Variants in LCMT2 observed in about 807,000 individuals in gnomAD.
The protein encoded by LCMT2 is leucine carboxyl methyltransferase 2.
In LCMT2, 34 loss-of-function variants were observed where a neutral mutation model predicts 42.0. The observed-to-expected ratio is 0.81, with a 90% CI of 0.62 to 1.08. LCMT2 has a LOEUF of 1.08. Among genes scored for constraint, LCMT2 ranks in the 50% least tolerant of loss-of-function variants. The pLI is 0.00. For synonymous variants in LCMT2, 445 were observed against 369.5 expected, an observed-to-expected ratio of 1.20 and a Z score of -2.34; for missense variants, 1,091 against 889.4, an observed-to-expected ratio of 1.23 and a Z score of -2.88.
Position 43,330,120 on chromosome 15 carries a change from C to G in LCMT2, c.370G>C (p.Glu124Gln). The G allele has an allele frequency of 6.2e-7, 1 of 1,612,088 alleles. No individual in the cohort carries two copies. The highest frequency in any genetic ancestry group is 8.5e-7 in the Non-Finnish European group (1 of 1,179,940). ...DFPDVARRKA[E>Q]RIGETPELCA... ...AGCTCTGGCGTCTCTCCAATCCTTT[C>G]TGCTTTGCGCCGCGCCACGTCCGGA... is the stretch of plus-strand genomic sequence containing the variant. Residue 124 changes from glutamate to glutamine, a missense_variant, in exon 1 of 1, where the codon GAA becomes CAA. Coordinates refer to ENST00000305641, the MANE Select transcript of LCMT2 (RefSeq NM_014793.5).
Position 43,330,423 on chromosome 15 carries a change from T to C in LCMT2, c.67A>G (p.Ser23Gly), listed in dbSNP as rs2043176003. ...VQNTNDSSAL[S>G]KRSLAARGYV... ...CCGCGCGCGGCCAGGGAACGCTTGC[T>C]GAGGGCGCTGCTGTCGTTGGTGTTC... is the stretch of plus-strand genomic sequence containing the variant. Residue 23 changes from serine to glycine, a missense_variant, in exon 1 of 1, where the codon AGC becomes GGC. Coordinates refer to ENST00000305641, the MANE Select transcript of LCMT2 (RefSeq NM_014793.5). 3.8e-6 allele frequency: 6 copies of C among 1,563,518 alleles called. No homozygotes were observed. Among genetic ancestry groups the C allele is most frequent in the Middle Eastern group, 1.7e-4 (1 of 5,802 alleles).
Position 43,328,518 on chromosome 15 carries a change from C to G in LCMT2, c.1972G>C (p.Gly658Arg), listed in dbSNP as rs769700565. ...LPEEQQLLLLGGGGNCFSFGT... is the reference protein window; with the variant it reads ...LPEEQQLLLLRGGGNCFSFGT... ...AAGGAAAAGCAGTTCCCACCACCTC[C>G]AAGGAGCAGGAGCTGTTGCTCTTCA... Residue 658 changes from glycine (G) to arginine (R), a missense_variant, in exon 1 of 1, where the codon GGA becomes CGA. Physicochemically the swap from Gly to Arg is moderately radical, Grantham distance 125 (BLOSUM62 -2). Coordinates refer to ENST00000305641, the MANE Select transcript of LCMT2 (RefSeq NM_014793.5). 2 of 1,614,182 alleles carry G rather than the reference C, an allele frequency of 1.2e-6. No homozygotes were observed. The highest frequency in any genetic ancestry group is 4.5e-5 in the East Asian group (2 of 44,892).
At position 43,329,491 on chromosome 15, in the gene LCMT2, A is replaced by T. The variant is rs1454031116; in HGVS notation, c.999T>A (p.Asn333Lys). The T allele has an allele frequency of 1.9e-6, 3 of 1,614,060 alleles. No homozygotes were observed. In the South Asian group the frequency reaches 3.3e-5, roughly 18 times the overall value. ...FPSSEAFPRV[N>K]PASPSGVFPA... ...GGAATACCCCTGAAGGCGAAGCAGG[A>T]TTTACGCGAGGAAATGCCTCTGAGG... The change falls in exon 1 of 1, where the codon AAT (asparagine) becomes AAA (lysine). Residue 333 changes from asparagine to lysine, a missense_variant. By Grantham distance (94) the Asn-to-Lys change is moderately conservative. Transcript: ENST00000305641.
chr15:43,330,028 G>A lies in LCMT2; in HGVS notation c.462C>T (p.Asp154=). 21 of 1,612,714 alleles carry A rather than the reference G, an allele frequency of 1.3e-5. No homozygotes were observed. The highest frequency in any genetic ancestry group is 1.7e-5 in the Non-Finnish European group (20 of 1,179,948). ...PASALCFESA[D]YCILGLDLRQ... ...GCAAGTCCAGACCCAGGATGCAGTA[G>A]TCTGCGCTCTCAAAGCACAGCGCGG... Residue 154 remains aspartate, a synonymous_variant, in exon 1 of 1, where the codon GAC becomes GAT. Coordinates refer to ENST00000305641, the MANE Select transcript of LCMT2 (RefSeq NM_014793.5).
chr15:43,328,932 C>G lies in LCMT2; in HGVS notation c.1558G>C (p.Ala520Pro), dbSNP rs1350183154. 1 of 1,614,150 alleles carries G rather than the reference C, an allele frequency of 6.2e-7. No individual in the cohort carries two copies. The highest frequency in any genetic ancestry group is 1.1e-5 in the South Asian group (1 of 91,080). Residue 520 changes from alanine (A) to proline (P), a missense_variant, in exon 1 of 1, where the codon GCT becomes CCT. By Grantham distance (27) the Ala-to-Pro change is conservative. Transcript: ENST00000305641. The stretch of plus-strand genomic sequence containing the variant: ...CCCTCCACTGGGATCCTGACCCAAG[C>G]CATTGTCCCTACATGGAGGAAATGC... ...DWHFLHVGTM[A>P]WVRIPVEGEV...
chr15:43,328,256 T>A lies in LCMT2; in HGVS notation c.*173A>T. The A allele has an allele frequency of 1.5e-6, 1 of 655,306 alleles. No homozygotes were observed. Among genetic ancestry groups the A allele is most frequent in the Non-Finnish European group, 2.6e-6 (1 of 389,314 alleles). 40.6% of individuals were successfully genotyped at this position (655,306 alleles called of 1,614,324 possible). A position where few individuals can be genotyped will look rare whatever the true frequency, so the allele number is the denominator to read the frequency against. On this transcript the variant is annotated 3_prime_UTR_variant, in exon 1 of 1. Coordinates refer to ENST00000305641, the MANE Select transcript of LCMT2 (RefSeq NM_014793.5). ...CTTCAGCTGTTTTCTGTAGTGATTGTTTCTAGGTATTTTACCTATTTTACC... is the reference window on the plus strand; with the variant it reads ...CTTCAGCTGTTTTCTGTAGTGATTGATTCTAGGTATTTTACCTATTTTACC...
Position 43,326,854 on chromosome 15 carries a change from C to G in LCMT2, c.*1575G>C, listed in dbSNP as rs188697827. Reference sequence around the variant, plus strand: ...ATCACCTTTCACATCCATTTATATGCAAAATTAATAGAAATAAAGGATGCA... The same window carrying G: ...ATCACCTTTCACATCCATTTATATGGAAAATTAATAGAAATAAAGGATGCA... On this transcript the variant is annotated 3_prime_UTR_variant, in exon 1 of 1. Coordinates refer to ENST00000305641, the MANE Select transcript of LCMT2 (RefSeq NM_014793.5). 12 of 152,222 alleles carry G rather than the reference C, an allele frequency of 7.9e-5. No homozygotes were observed. The highest frequency in any genetic ancestry group is 2.9e-4 in the African/African-American group (12 of 41,530). 9.4% of individuals were successfully genotyped at this position (152,222 alleles called of 1,614,324 possible). A position where few individuals can be genotyped will look rare whatever the true frequency, so the allele number is the denominator to read the frequency against.
rs886852030 is a variant in LCMT2 at position 43,327,670 on chromosome 15, G to C, written c.*759C>G. The C allele has an allele frequency of 2.0e-5, 3 of 152,222 alleles. No homozygotes were observed. The highest frequency in any genetic ancestry group is 4.4e-5 in the Non-Finnish European group (3 of 68,056). The allele number at this position is 152,222 out of a possible 1,614,324, so 9.4% of individuals were successfully genotyped here. On this transcript the variant is annotated 3_prime_UTR_variant, in exon 1 of 1. Coordinates refer to ENST00000305641, the MANE Select transcript of LCMT2 (RefSeq NM_014793.5). ...GTGGAACTCAACCAAAAAGTAAAGA[G>C]AGCTCCTTGATGCAGCCCATAAAGG...
rs750451543 is a variant in LCMT2 at position 43,329,800 on chromosome 15, G to C, written c.690C>G (p.Phe230Leu). The change falls in exon 1 of 1, where the codon TTC becomes TTG. Residue 230 changes from phenylalanine (F) to leucine (L), a missense_variant. Coordinates refer to ENST00000305641, the MANE Select transcript of LCMT2 (RefSeq NM_014793.5). ...TTAGCTGCCGAAAATGTTGCAGCATGAACTGGCCAAAGGCGTCTTGAGGCC... is the reference window on the plus strand; with the variant it reads ...TTAGCTGCCGAAAATGTTGCAGCATCAACTGGCCAAAGGCGTCTTGAGGCC... ...QMRPQDAFGQ[F>L]MLQHFRQLNS... 1.2e-6 allele frequency: 2 copies of C among 1,613,818 alleles called. No individual in the cohort carries two copies. The highest frequency in any genetic ancestry group is 1.3e-5 in the African/African-American group (1 of 74,944).
rs2043118145 is a variant in LCMT2 at position 43,326,332 on chromosome 15, G to A, written c.*2097C>T. ...TACTACCTGGCCCACTGATCGCCTT[G>A]CCAGATGTCTTCCCAGCTGTAATAA... On this transcript the variant is annotated 3_prime_UTR_variant, in exon 1 of 1. Coordinates refer to ENST00000305641, the MANE Select transcript of LCMT2 (RefSeq NM_014793.5). 2 of 152,140 alleles carry A rather than the reference G, an allele frequency of 1.3e-5. No individual in the cohort carries two copies. Among genetic ancestry groups the A allele is most frequent in the African/African-American group, 4.8e-5 (2 of 41,406 alleles). 9.4% of individuals were successfully genotyped at this position (152,140 alleles called of 1,614,324 possible).
rs2043128907 is a variant in LCMT2 at position 43,328,291 on chromosome 15, C to G, written c.*138G>C. 1 of 927,044 alleles carries G rather than the reference C, an allele frequency of 1.1e-6. No individual in the cohort carries two copies. Among genetic ancestry groups the G allele is most frequent in the Non-Finnish European group, 1.6e-6 (1 of 618,982 alleles). The allele number at this position is 927,044 out of a possible 1,614,324, so 57.4% of individuals were successfully genotyped here. A position where few individuals can be genotyped will look rare whatever the true frequency, so the allele number is the denominator to read the frequency against. ...TTTTACCTATTTTACCAACCTTTTTCACTTTTTGCACTGAATAGTGCTAAG... is the reference window on the plus strand; with the variant it reads ...TTTTACCTATTTTACCAACCTTTTTGACTTTTTGCACTGAATAGTGCTAAG... On this transcript the variant is annotated 3_prime_UTR_variant, in exon 1 of 1. Coordinates refer to ENST00000305641, the MANE Select transcript of LCMT2 (RefSeq NM_014793.5).
In LCMT2 at chr15:43,330,049, C is replaced by A; in HGVS notation, c.441G>T (p.Ala147=). ...GPFERGEPAS[A]LCFESADYCI... The stretch of plus-strand genomic sequence containing the variant: ...AGTAGTCTGCGCTCTCAAAGCACAG[C>A]GCGGACGCGGGCTCCCCCCTCTCGA... Residue 147 remains alanine (A), a synonymous_variant, in exon 1 of 1, where the codon GCG becomes GCT. Transcript: ENST00000305641. 2 of 1,612,498 alleles carry A rather than the reference C, an allele frequency of 1.2e-6. No homozygotes were observed. The highest frequency in any genetic ancestry group is 1.7e-6 in the Non-Finnish European group (2 of 1,179,950).
In LCMT2 at chr15:43,330,505, A is replaced by C. The variant is rs747305450; in HGVS notation, c.-16T>G. On this transcript the variant is annotated 5_prime_UTR_variant, in exon 1 of 1. Transcript: ENST00000305641. ...GGGGGCCCATGGCCAGAAGAGACTCAGGAATGGCAGTCTGTCACGGTTGTG... is the reference window on the plus strand; with the variant it reads ...GGGGGCCCATGGCCAGAAGAGACTCCGGAATGGCAGTCTGTCACGGTTGTG... The C allele has an allele frequency of 1.1e-4, 173 of 1,511,990 alleles. No homozygotes were observed. Among genetic ancestry groups the C allele is most frequent in the Non-Finnish European group, 1.5e-4 (165 of 1,134,462 alleles). 93.7% of individuals were successfully genotyped at this position (1,511,990 alleles called of 1,614,324 possible). A position where few individuals can be genotyped will look rare whatever the true frequency, so the allele number is the denominator to read the frequency against.
Position 43,329,735 on chromosome 15 carries a change from T to C in LCMT2, c.755A>G (p.Glu252Gly). ...TTGAAGGAAGCGGCGCCGCTGCGCC[T>C]CCACGTCAGGAAAACGCTCCAGGCC... ...LHGLERFPDV[E>G]AQRRRFLQAG... The change falls in exon 1 of 1, where the codon GAG becomes GGG. Residue 252 changes from glutamate to glycine, a missense_variant. By Grantham distance (98) the Glu-to-Gly change is moderately conservative. Coordinates refer to ENST00000305641, the MANE Select transcript of LCMT2 (RefSeq NM_014793.5). 6.2e-7 allele frequency: 1 copy of C among 1,613,506 alleles called. No individual in the cohort carries two copies.
Position 43,330,274 on chromosome 15 carries a change from C to T in LCMT2, c.216G>A (p.Glu72=). The T allele has an allele frequency of 6.3e-7, 1 of 1,597,486 alleles. No homozygotes were observed. The highest frequency in any genetic ancestry group is 8.5e-7 in the Non-Finnish European group (1 of 1,176,540). Residue 72 remains glutamate, a synonymous_variant, in exon 1 of 1, where the codon GAG becomes GAA. Transcript: ENST00000305641. ...AVRHCVRAFL[E]QIGAPQAALR... is the part of the protein sequence containing the mutation. The stretch of plus-strand genomic sequence containing the variant: ...GCGCGGCCTGGGGCGCGCCAATCTG[C>T]TCCAAAAAAGCGCGCACGCAGTGCC...
chr15:43,329,098 C>A lies in LCMT2; in HGVS notation c.1392G>T (p.Val464=). ...CCTTTCGGCCAGCCTTTGTTATTGT[C>A]ACTTTCAGGTCCTCAGTGTTATTAT... ...SEDNNTEDLK[V]TITKAGRKDD... The change falls in exon 1 of 1, where the codon GTG becomes GTT. Residue 464 remains valine (V), a synonymous_variant. Transcript: ENST00000305641. 6.2e-7 allele frequency: 1 copy of A among 1,614,128 alleles called. No individual in the cohort carries two copies. The highest frequency in any genetic ancestry group is 8.5e-7 in the Non-Finnish European group (1 of 1,180,038).
Position 43,329,113 on chromosome 15 carries a change from A to G in LCMT2, c.1377T>C (p.Thr459=). Residue 459 remains threonine (T), a synonymous_variant, in exon 1 of 1, where the codon ACT becomes ACC. Coordinates refer to ENST00000305641, the MANE Select transcript of LCMT2 (RefSeq NM_014793.5). ...TTGTTATTGTCACTTTCAGGTCCTC[A>G]GTGTTATTATCCTCACTCTTAAAAA... ...LHFFKSEDNN[T]EDLKVTITKA... 1 of 1,614,088 alleles carries G rather than the reference A, an allele frequency of 6.2e-7. No individual in the cohort carries two copies. Among genetic ancestry groups the G allele is most frequent in the Non-Finnish European group, 8.5e-7 (1 of 1,180,038 alleles).
chr15:43,330,295 G>C lies in LCMT2; in HGVS notation c.195C>G (p.His65Gln). 2 of 1,593,038 alleles carry C rather than the reference G, an allele frequency of 1.3e-6. No homozygotes were observed. Among genetic ancestry groups the C allele is most frequent in the Non-Finnish European group, 1.7e-6 (2 of 1,175,796 alleles). Residue 65 changes from histidine to glutamine, a missense_variant, in exon 1 of 1, where the codon CAC (histidine) becomes CAG (glutamine). Coordinates refer to ENST00000305641, the MANE Select transcript of LCMT2 (RefSeq NM_014793.5). Reference sequence around the variant, plus strand: ...TCTGCTCCAAAAAAGCGCGCACGCAGTGCCTCACGGCGCGTGCGCGGACGT... The same window carrying C: ...TCTGCTCCAAAAAAGCGCGCACGCACTGCCTCACGGCGCGTGCGCGGACGT... ...GYYVRARAVR[H>Q]CVRAFLEQIG... is the part of the protein sequence containing the mutation.
At position 43,324,752 on chromosome 15, in the gene LCMT2, AG is replaced by A. The variant is rs1311074722; in HGVS notation, c.*3676del. 2 of 152,470 alleles carry A rather than the reference AG, an allele frequency of 1.3e-5. No homozygotes were observed. The highest frequency in any genetic ancestry group is 3.8e-4 in the East Asian group (2 of 5,196). 9.4% of individuals were successfully genotyped at this position (152,470 alleles called of 1,614,324 possible). A position where few individuals can be genotyped will look rare whatever the true frequency, so the allele number is the denominator to read the frequency against. On this transcript the variant is annotated 3_prime_UTR_variant, in exon 1 of 1. Transcript: ENST00000305641. ...TTCTCTTCAAAGGCTTCTCTTGCAC[AG>A]GGAGAAAGCGGTTGGTTCCATTTGG...
Sources: gnomAD v4.1 joint callset for allele counts on GRCh38, gnomAD v4.1.1 for gene constraint, MANE v1.5 for transcripts, NCBI Gene and HGNC (gene_info 2026-07-23, HGNC 2026-07-21) for gene names.